Variants in SOS1 observed in about 807,000 individuals in gnomAD.
SOS1 encodes SOS Ras/Rac guanine nucleotide exchange factor 1.
A neutral mutation model predicts 157.6 loss-of-function variants in SOS1; 25 were observed. The observed-to-expected ratio is 0.16, with a 90% CI of 0.12 to 0.22. The LOEUF (loss-of-function observed/expected upper bound fraction) is 0.22. SOS1 is among the 10% of genes least tolerant of loss of function. The pLI, the probability that SOS1 is intolerant of heterozygous loss-of-function variation, is 1.00. For missense variants in SOS1, 1,237 were observed against 1,599.1 expected, an observed-to-expected ratio of 0.77 and a Z score of 3.86; for synonymous variants, 528 against 534.0, an observed-to-expected ratio of 0.99 and a Z score of 0.16.
intron 1 of SOS1, among the ~76,000 whole-genome samples, chr2:39,079,155 C>CAGT (rs1672119242): frequency 1.3e-5 from 2 of 151,778 alleles, no homozygotes; most frequent in South Asian, 2.1e-4. Context: ...AAAATGTTAA[C>CAGT]AATACATTGC....
At chr2:39,124,465 C>T (rs1674006036), upstream of SOS1, 1 of 152,264 alleles carries the variant, frequency 6.6e-6, no homozygotes, top group South Asian at 2.1e-4. Flanking sequence ...AGCCGAGTTC[C>T]GAGCGCGGCG....
intron 10 of SOS1, among the ~76,000 whole-genome samples, chr2:39,019,604 C>T (rs531342034): frequency 3.8e-4 from 57 of 151,660 alleles, no homozygotes; most frequent in Non-Finnish European, 6.9e-4. Context: ...TTAGATTCCA[C>T]CTAAGACCCT....
At chr2:39,111,313 T>A (rs914487592) in intron 1 of SOS1, among the ~76,000 whole-genome samples, 1 of 152,224 alleles carries the variant, frequency 6.6e-6, no homozygotes, top group African/African-American at 2.4e-5. Context: ...AATAAAATTG[T>A]AATAAAATGT....
intron 6 of SOS1, among the ~76,000 whole-genome samples, chr2:39,036,334 A>G (rs1670342271): frequency 6.6e-6 from 1 of 152,132 alleles, no homozygotes. Context: ...AATCACCCTT[A>G]ATGTTATTTT....
intron 15 of SOS1, among the ~76,000 whole-genome samples, chr2:39,008,528 C>T (rs932054579): frequency 1.3e-5 from 2 of 152,158 alleles, no homozygotes; most frequent in African/African-American, 4.8e-5. Context: ...ATTTGTGGAT[C>T]TAATGAAGAT....
At chr2:38,990,890 T>C (rs1377866509) in intron 20 of SOS1, among the ~76,000 whole-genome samples, 1 of 152,162 alleles carries the variant, frequency 6.6e-6, no homozygotes, top group Non-Finnish European at 1.5e-5. Flanking sequence ...AAATATATGC[T>C]AGAAATTCTT....
At chr2:39,080,216 G>A (rs1672155494) in intron 1 of SOS1, among the ~76,000 whole-genome samples, 1 of 151,776 alleles carries the variant, frequency 6.6e-6, no homozygotes. Context: ...CAGATCATCA[G>A]GCATTAGATT....
intron 17 of SOS1, 139 bp from the exon 18 acceptor site, chr2:38,997,564 T>C (rs1341367512): frequency 1.8e-5 from 10 of 570,646 alleles, no homozygotes; most frequent in Non-Finnish European, 1.8e-5. Context: ...TTCCATGATA[T>C]GAAAACAGCA....
chr2:39,044,478 T>C (rs1670683243), intron 6 of SOS1, among the ~76,000 whole-genome samples: 3 of 152,208 alleles, frequency 2.0e-5, no homozygotes, highest in South Asian at 2.1e-4. Flanking sequence ...TCATTTTTAA[T>C]TATTCCTATT....
chr2:39,007,378 C>G (rs1303482328), intron 15 of SOS1, 185 bp from the exon 16 acceptor site: 18 of 593,474 alleles, frequency 3.0e-5, no homozygotes, highest in Non-Finnish European at 2.1e-5. Context: ...GCATACTGCT[C>G]TTTCCCGTCT....
Position 39,105,713 on chromosome 2 carries a change from C to A in SOS1, c.87+14623G>T, listed in dbSNP as rs192496124. Among the ~76,000 whole-genome samples, 776 of 151,918 alleles carry A rather than the reference C, an allele frequency of 5.1e-3. 6 individuals are homozygous for A. Among genetic ancestry groups the A allele is most frequent in the African/African-American group, 0.018 (749 of 41,432 alleles). ...AGGAGTTCAAGACCTGCCTGGCCAACATGCGAAACCCTGTCTCTACTAAAA... is the reference window on the plus strand; with the variant it reads ...AGGAGTTCAAGACCTGCCTGGCCAAAATGCGAAACCCTGTCTCTACTAAAA... On this transcript the variant is annotated intron_variant, in intron 1 of 22. Coordinates refer to ENST00000402219, the MANE Select transcript of SOS1 (RefSeq NM_005633.4).
intron 15 of SOS1, among the ~76,000 whole-genome samples, chr2:39,009,883 CAA>C (rs971357412): frequency 3.3e-5 from 5 of 151,458 alleles, no homozygotes; most frequent in African/African-American, 1.2e-4. Context: ...AAAAGGACCT[CAA>C]AAAAAGTTAA....
chr2:39,124,061 G>T (rs1572909799), upstream of SOS1: 1 of 152,406 alleles, frequency 6.6e-6, no homozygotes, highest in South Asian at 2.1e-4. Context: ...AAACTGCAGT[G>T]AAGAGACTCA....
intron 8 of SOS1, among the ~76,000 whole-genome samples, chr2:39,032,686 CATG>C (rs1572839004): frequency 6.6e-6 from 1 of 152,126 alleles, no homozygotes; most frequent in African/African-American, 2.4e-5. Flanking sequence ...TCACTCTGGG[CATG>C]ATGACTCACA....
intron 6 of SOS1, among the ~76,000 whole-genome samples, chr2:39,046,495 C>CTTTTTTTTTTTTTTTTTT: frequency 8.0e-6 from 1 of 124,382 alleles, no homozygotes; most frequent in Admixed American, 7.8e-5. Context: ...GAGACAGTGT[C>CTTTTTTTTTTTTTTTTTT]TTTTTTTTTT....
chr2:39,080,849 T>C lies in SOS1; in HGVS notation c.88-13096A>G, dbSNP rs189080874. On this transcript the variant is annotated intron_variant, in intron 1 of 22. Coordinates refer to ENST00000402219, the MANE Select transcript of SOS1 (RefSeq NM_005633.4). Reference sequence around the variant, plus strand: ...TAAGCAACAGAAACCATTTAAAAACTTGGAAGAATTGTGATAGGCTAGCTA... The same window carrying C: ...TAAGCAACAGAAACCATTTAAAAACCTGGAAGAATTGTGATAGGCTAGCTA... Among the ~76,000 whole-genome samples, 480 of 152,158 alleles carry C rather than the reference T, an allele frequency of 3.2e-3. 4 individuals carry two copies. Among genetic ancestry groups the C allele is most frequent in the Non-Finnish European group, 3.4e-3 (228 of 67,996 alleles).
upstream of SOS1, chr2:39,124,057 CAGTGAAG>C (rs1314263712): frequency 2.0e-5 from 3 of 152,408 alleles, no homozygotes; most frequent in African/African-American, 7.2e-5. Flanking sequence ...AGAGAAACTG[CAGTGAAG>C]AGACTCAGTG....
chr2:39,043,473 T>C (rs1379305349), intron 6 of SOS1, among the ~76,000 whole-genome samples: 1 of 152,232 alleles, frequency 6.6e-6, no homozygotes, highest in African/African-American at 2.4e-5. Flanking sequence ...TCTCTATTCA[T>C]TGTAACAATT....
intron 1 of SOS1, among the ~76,000 whole-genome samples, chr2:39,068,368 G>C (rs952545901): frequency 6.6e-6 from 1 of 152,170 alleles, no homozygotes; most frequent in African/African-American, 2.4e-5. Flanking sequence ...CAGTTTGTAT[G>C]TTTTTGCCAG....
Sources: gnomAD v4.1 joint callset for allele counts (sites outside exome capture counted in the v4.1 genomes callset) on GRCh38, gnomAD v4.1.1 for gene constraint, MANE v1.5 for transcripts, NCBI Gene and HGNC (gene_info 2026-07-23, HGNC 2026-07-21) for gene names.